The following PCDHA11 variants were observed in gnomAD, a reference collection of about 807,000 sequenced individuals.
PCDHA11 encodes protocadherin alpha 11.
Under a neutral mutation model 70.3 loss-of-function variants are expected in PCDHA11, and 61 were observed. The ratio of observed to expected loss-of-function variants is 0.87; its 90% confidence interval spans 0.71 to 1.07. The LOEUF (loss-of-function observed/expected upper bound fraction) is 1.07, where lower values mean the gene tolerates loss of function less well. Among genes scored for constraint, PCDHA11 ranks in the 50% least tolerant of loss-of-function variants. The pLI, the probability that PCDHA11 is intolerant of heterozygous loss-of-function variation, is 0.00. For synonymous variants in PCDHA11, 633 were observed against 555.1 expected, an observed-to-expected ratio of 1.14 and a Z score of -1.97; for missense variants, 1,324 against 1,237.5, an observed-to-expected ratio of 1.07 and a Z score of -1.05.
chr5:140,967,700 G>A lies in PCDHA11; in HGVS notation c.2392-11249G>A. ...GGAGAGGCAGCTCTTCAGCATAGAT[G>A]CCAGTACCGGGGAAGTGCGAGTAAT... On this transcript the variant is annotated intron_variant, in intron 1 of 3. Transcript: ENST00000398640. 4 of 1,614,196 alleles carry A rather than the reference G, an allele frequency of 2.5e-6. No homozygotes were observed. In the South Asian group the frequency reaches 4.4e-5, roughly 18 times the overall value.
chr5:140,983,005 A>AAAGG (rs1223217874), intron 3 of PCDHA11, among the ~76,000 whole-genome samples: 11 of 152,228 alleles, frequency 7.2e-5, no homozygotes, highest in African/African-American at 2.4e-4. Flanking sequence ...AAAGAAAGAA[A>AAAGG]AAGGAAGGAA....
chr5:140,869,211 G>T lies in PCDHA11; in HGVS notation c.108G>T (p.Ser36=), dbSNP rs375218342. The T allele has an allele frequency of 1.2e-6, 2 of 1,613,956 alleles. No individual in the cohort carries two copies. Among genetic ancestry groups the T allele is most frequent in the Non-Finnish European group, 1.7e-6 (2 of 1,179,944 alleles). ...GCGGCCAGCTCCACTACTCCGTCTC[G>T]GAGGAGGCCAAACACGGCACCTTCG... The part of the protein sequence containing the change: ...VGSGQLHYSV[S]EEAKHGTFVG... The change falls in exon 1 of 4, where the codon TCG becomes TCT. Residue 36 remains serine, a synonymous_variant. Transcript: ENST00000398640.
At chr5:140,897,458 G>T (rs191522392) in intron 1 of PCDHA11, among the ~76,000 whole-genome samples, 1 of 151,310 alleles carries the variant, frequency 6.6e-6, no homozygotes, top group African/African-American at 2.4e-5. Flanking sequence ...TTGTCCTTGC[G>T]ATAGTTTACT....
rs976104418 is a variant in PCDHA11 at position 140,967,290 on chromosome 5, C to G, written c.2392-11659C>G. The G allele has an allele frequency of 3.1e-6, 5 of 1,612,712 alleles. No individual in the cohort carries two copies. In the African/African-American group the frequency reaches 5.3e-5, roughly 17 times the overall value. ...TTTCACATAGAGAGTGCGCAGGACC[C>G]CGACGTGGGCGCCAACTCAGTACAG... On this transcript the variant is annotated intron_variant, in intron 1 of 3. Coordinates refer to ENST00000398640, the MANE Select transcript of PCDHA11 (RefSeq NM_018902.5).
rs372500794 is a variant in PCDHA11, at chr5:140,876,782, C to A, written c.2391+5288C>A. 5.6e-6 allele frequency: 9 copies of A among 1,614,096 alleles called. No individual in the cohort carries two copies. The East Asian group carries it at 1.8e-4, about 32-fold the overall frequency. On this transcript the variant is annotated intron_variant, in intron 1 of 3. Transcript: ENST00000398640. ...GATGGGGGCTCGCCTTCGCTGTGGG[C>A]CACGGCTAGAGTGTCCGTGGAGGTG...
In PCDHA11 at chr5:140,957,392, T is replaced by A. The variant is rs1035836709; in HGVS notation, c.2392-21557T>A. Among the ~76,000 whole-genome samples the A allele has an allele frequency of 2.6e-5, 4 of 152,222 alleles. No individual in the cohort carries two copies. In the East Asian group the frequency reaches 5.8e-4, roughly 22 times the overall value. ...TTATTATAGTGTATTGTTATAATTG[T>A]CCTAATTTATTATTATTGTTGTTAA... is the stretch of plus-strand genomic sequence containing the variant. On this transcript the variant is annotated intron_variant, in intron 1 of 3. Coordinates refer to ENST00000398640, the MANE Select transcript of PCDHA11 (RefSeq NM_018902.5).
At chr5:140,975,154 G>C (rs73268051) in intron 1 of PCDHA11, among the ~76,000 whole-genome samples, 1,571 of 152,266 alleles carry the variant, frequency 0.01, 23 homozygotes, top group African/African-American at 0.036. Flanking sequence ...TCAGTTCCTA[G>C]AGAACTGAGG....
intron 1 of PCDHA11, chr5:140,967,023 G>C: frequency 6.2e-7 from 1 of 1,608,162 alleles, no homozygotes; most frequent in Non-Finnish European, 8.5e-7. Context: ...GGTGCGCCCA[G>C]TCCGCGCTAC....
At chr5:140,909,560 C>A (rs2074577216) in intron 1 of PCDHA11, among the ~76,000 whole-genome samples, 1 of 152,284 alleles carries the variant, frequency 6.6e-6, no homozygotes, top group Middle Eastern at 3.4e-3. Flanking sequence ...ATCTCTGCAA[C>A]CCATCCAGAG....
intron 3 of PCDHA11, among the ~76,000 whole-genome samples, chr5:140,993,460 T>TCA (rs1554253699): frequency 1.6e-3 from 169 of 104,560 alleles, no homozygotes; most frequent in African/African-American, 3.8e-3. Flanking sequence ...CTTCTTTCTT[T>TCA]CTCACACACA....
chr5:140,939,579 A>AT (rs2153642013), intron 1 of PCDHA11, among the ~76,000 whole-genome samples: 1 of 152,306 alleles, frequency 6.6e-6, no homozygotes, highest in African/African-American at 2.4e-5. Context: ...AAAATGGAAA[A>AT]TTTTAACATA....
Position 140,929,060 on chromosome 5 carries a change from A to G in PCDHA11, c.2392-49889A>G, listed in dbSNP as rs782222884. 3 of 1,614,188 alleles carry G rather than the reference A, an allele frequency of 1.9e-6. No individual in the cohort carries two copies. In the South Asian group the frequency reaches 3.3e-5, roughly 18 times the overall value. On this transcript the variant is annotated intron_variant, in intron 1 of 3. Transcript: ENST00000398640. ...GCTCAGAGCTGCTGTCGCTCTACAGAGGATCTGAGGTATGGAAGTAAGATG... is the reference window on the plus strand; with the variant it reads ...GCTCAGAGCTGCTGTCGCTCTACAGGGGATCTGAGGTATGGAAGTAAGATG...
At chr5:140,970,960 G>T (rs3776114) in intron 1 of PCDHA11, among the ~76,000 whole-genome samples, 54,597 of 152,034 alleles carry the variant, frequency 0.36, 10,036 homozygotes, top group Admixed American at 0.46. Context: ...ATGGGAGGCA[G>T]ATTGTAGATT....
chr5:140,895,861 G>C (rs1248344470), intron 1 of PCDHA11, among the ~76,000 whole-genome samples: 2 of 152,184 alleles, frequency 1.3e-5, no homozygotes, highest in African/African-American at 4.8e-5. Context: ...CCCCAGGCTG[G>C]AGTGCAATGG....
intron 1 of PCDHA11, chr5:140,875,266 A>G (rs1262893019): frequency 8.3e-7 from 1 of 1,202,212 alleles, no homozygotes. Flanking sequence ...ATGTCGCTCT[A>G]CACTCAGAAG....
At chr5:140,991,277 C>G (rs1210642530) in intron 3 of PCDHA11, among the ~76,000 whole-genome samples, 1 of 152,148 alleles carries the variant, frequency 6.6e-6, no homozygotes, top group African/African-American at 2.4e-5. Flanking sequence ...CTGCTGAACT[C>G]TATACACTTA....
intron 3 of PCDHA11, among the ~76,000 whole-genome samples, chr5:140,989,918 G>A (rs1554251173): frequency 6.6e-6 from 1 of 151,960 alleles, no homozygotes; most frequent in East Asian, 1.9e-4. Flanking sequence ...AAGAGGGAGA[G>A]CAGAGATAGA....
At chr5:140,981,017 G>T (rs782757397) in intron 2 of PCDHA11, among the ~76,000 whole-genome samples, 42 of 152,076 alleles carry the variant, frequency 2.8e-4, no homozygotes, top group Non-Finnish European at 5.3e-4. Flanking sequence ...ACACTTGAAG[G>T]CTGTTAATAT....
At chr5:140,965,311 T>G (rs1415569065) in intron 1 of PCDHA11, among the ~76,000 whole-genome samples, 1 of 152,180 alleles carries the variant, frequency 6.6e-6, no homozygotes, top group Non-Finnish European at 1.5e-5. Context: ...TTCTACCTTC[T>G]CTTTTACTGA....
Sources: gnomAD v4.1 joint callset for allele counts (sites outside exome capture counted in the v4.1 genomes callset) on GRCh38, gnomAD v4.1.1 for gene constraint, MANE v1.5 for transcripts, NCBI Gene and HGNC (gene_info 2026-07-23, HGNC 2026-07-21) for gene names.